Variants in PRKN observed in about 807,000 individuals in gnomAD.
PRKN encodes the protein parkin RBR E3 ubiquitin protein ligase.
A neutral mutation model predicts 59.5 loss-of-function variants in PRKN; 56 were observed. The ratio of observed to expected loss-of-function variants is 0.94; its 90% CI spans 0.76 to 1.18. The LOEUF is 1.18. PRKN is among the 50% of genes most tolerant of loss of function. The pLI is 0.00. For synonymous variants in PRKN, 250 were observed against 222.1 expected (o/e 1.13, Z -1.12); for missense variants, 657 against 596.4 (o/e 1.10, Z -1.06).
intron 7 of PRKN, among the ~76,000 whole-genome samples, chr6:161,696,562 G>A (rs1200008289): frequency 6.6e-6 from 1 of 152,140 alleles, no homozygotes; most frequent in African/African-American, 2.4e-5. Flanking sequence ...TATATTTAGT[G>A]GTCAACTTGG....
intron 1 of PRKN, among the ~76,000 whole-genome samples, chr6:162,590,706 C>T (rs1020974873): frequency 2.6e-5 from 4 of 152,122 alleles, no homozygotes; most frequent in African/African-American, 9.7e-5. Context: ...ACTGACATAA[C>T]CTACAGACTC....
chr6:162,693,220 C>T (rs1777843968), intron 1 of PRKN, among the ~76,000 whole-genome samples: 1 of 152,104 alleles, frequency 6.6e-6, no homozygotes, highest in Non-Finnish European at 1.5e-5. Flanking sequence ...GATGTATGTG[C>T]CCAGCAGGGT....
At chr6:162,330,138 T>C (rs1250412781) in intron 2 of PRKN, among the ~76,000 whole-genome samples, 1 of 152,202 alleles carries the variant, frequency 6.6e-6, no homozygotes, top group Non-Finnish European at 1.5e-5. Flanking sequence ...AAAGAGCAAG[T>C]CAGGTCTTTT....
rs1411914212 is a variant in PRKN, at chr6:161,356,580, G to A, written c.1285+3508C>T. 6.6e-6 allele frequency among the ~76,000 whole-genome samples: 1 copy of A among 152,182 alleles called. No homozygotes were observed. Among genetic ancestry groups the A allele is most frequent in the Non-Finnish European group, 1.5e-5 (1 of 68,032 alleles). ...GCAGGGCACTGGCTGGGGACGTGGAGTCAGAGGTGGGCAGACGCTGGATCA... is the reference window on the plus strand; with the variant it reads ...GCAGGGCACTGGCTGGGGACGTGGAATCAGAGGTGGGCAGACGCTGGATCA... On this transcript the variant is annotated intron_variant, in intron 11 of 11. Transcript: ENST00000366898. The surrounding 1 kb of genome is among the most constrained non-coding windows in gnomAD (Gnocchi z 7.8).
chr6:161,759,894 A>G (rs959348209), intron 7 of PRKN, among the ~76,000 whole-genome samples: 2 of 152,142 alleles, frequency 1.3e-5, no homozygotes, highest in Admixed American at 1.3e-4. Context: ...GAGCTGACAT[A>G]CTGATAGCTC....
At chr6:161,856,122 G>C (rs192565058) in intron 6 of PRKN, among the ~76,000 whole-genome samples, 130 of 152,282 alleles carry the variant, frequency 8.5e-4, no homozygotes, top group South Asian at 3.1e-3. Flanking sequence ...CACTTTGGGA[G>C]GCCGAGGTGG....
intron 6 of PRKN, among the ~76,000 whole-genome samples, chr6:161,874,265 AAT>A (rs1415891667): frequency 0.13 from 708 of 5,522 alleles, 15 homozygotes; most frequent in Non-Finnish European, 0.27. Context: ...TTATATGTAA[AAT>A]ATATAATATA....
intron 7 of PRKN, among the ~76,000 whole-genome samples, chr6:161,743,623 C>T (rs1036975428): frequency 1.3e-5 from 2 of 151,962 alleles, no homozygotes; most frequent in Admixed American, 6.6e-5. Flanking sequence ...CCTTTGTCCT[C>T]CGCCCCCACT....
intron 6 of PRKN, among the ~76,000 whole-genome samples, chr6:161,972,952 T>C: frequency 6.6e-6 from 1 of 152,208 alleles, no homozygotes; most frequent in East Asian, 1.9e-4. Flanking sequence ...TTAATTTTAT[T>C]TTGGAACTTA....
At chr6:161,565,513 A>G (rs1428388099) in intron 8 of PRKN, among the ~76,000 whole-genome samples, 3 of 152,062 alleles carry the variant, frequency 2.0e-5, no homozygotes, top group Non-Finnish European at 4.4e-5. Context: ...GTGATGGTGA[A>G]TGAGTCCTCA....
chr6:162,486,602 C>T (rs759953101), intron 1 of PRKN, among the ~76,000 whole-genome samples: 7 of 152,192 alleles, frequency 4.6e-5, no homozygotes, highest in Admixed American at 3.9e-4. Flanking sequence ...ACTTGCATTT[C>T]TGATAGGTAT....
Position 162,034,182 on chromosome 6 carries a change from T to TAGAGAGAG in PRKN, c.618+19908_618+19909insCTCTCTCT, listed in dbSNP as rs1324757025. ...GTGTACACATACATATATATATATA[T>TAGAGAGAG]ATATAGAGAGAGAGAGAGAGAGAGA... On this transcript the variant is annotated intron_variant, in intron 5 of 11. Coordinates refer to ENST00000366898, the MANE Select transcript of PRKN (RefSeq NM_004562.3). 4.9e-3 allele frequency among the ~76,000 whole-genome samples: 590 copies of TAGAGAGAG among 121,468 alleles called. 2 individuals carry two copies. The highest frequency in any genetic ancestry group is 0.019 in the African/African-American group (531 of 28,388). 79.7% of individuals were successfully genotyped at this position (121,468 alleles called of 152,430 possible).
rs906762478 is a variant in PRKN at position 161,682,097 on chromosome 6, C to G, written c.871+103675G>C. On this transcript the variant is annotated intron_variant, in intron 7 of 11. Transcript: ENST00000366898. ...AGGAAGAAAGGACCAGCGCTCTGCA[C>G]GCACTGGGCTCAGCTCCCTGGAAGC... Among the ~76,000 whole-genome samples the G allele has an allele frequency of 2.0e-5, 3 of 152,204 alleles. No individual in the cohort carries two copies. The East Asian group carries it at 5.8e-4, about 30-fold the overall frequency.
At position 161,354,947 on chromosome 6, in the gene PRKN, G is replaced by A. The variant is rs1014408342; in HGVS notation, c.1286-4736C>T. 6.6e-6 allele frequency among the ~76,000 whole-genome samples: 1 copy of A among 152,166 alleles called. No individual in the cohort carries two copies. The highest frequency in any genetic ancestry group is 2.4e-5 in the African/African-American group (1 of 41,448). ...ATTTGACTCCTACAACTCCATCTTT[G>A]GAGGCTGCCAGCATGTTCTGAGTCC... On this transcript the variant is annotated intron_variant, in intron 11 of 11. Coordinates refer to ENST00000366898, the MANE Select transcript of PRKN (RefSeq NM_004562.3). This position sits in a 1 kb window ranked among gnomAD's most constrained non-coding sequence, Gnocchi z 6.7.
chr6:161,666,850 C>T (rs549216590), intron 7 of PRKN, among the ~76,000 whole-genome samples: 75 of 152,254 alleles, frequency 4.9e-4, no homozygotes, highest in African/African-American at 1.7e-3. Flanking sequence ...GGGAGTTTTG[C>T]TGGCAGACAC....
intron 7 of PRKN, among the ~76,000 whole-genome samples, chr6:161,723,604 A>C (rs1005011512): frequency 5.3e-5 from 8 of 152,172 alleles, no homozygotes; most frequent in Admixed American, 3.3e-4. Context: ...GAAAGAAAGA[A>C]AGACAGACAC....
intron 1 of PRKN, among the ~76,000 whole-genome samples, chr6:162,556,436 C>T (rs917338702): frequency 4.2e-5 from 6 of 143,196 alleles, no homozygotes; most frequent in Admixed American, 3.6e-4. Context: ...TTTTTTTCCC[C>T]TCTAGTGCAT....
intron 5 of PRKN, among the ~76,000 whole-genome samples, chr6:161,999,048 T>G (rs1299596911): frequency 6.6e-6 from 1 of 152,102 alleles, no homozygotes; most frequent in Non-Finnish European, 1.5e-5. Flanking sequence ...ATAAGTAGAT[T>G]CTCAGTAGAT....
At chr6:161,975,146 C>T (rs1006355136) in intron 5 of PRKN, among the ~76,000 whole-genome samples, 20 of 137,292 alleles carry the variant, frequency 1.5e-4, no homozygotes, top group African/African-American at 3.9e-4. Context: ...AGTGCAGTGG[C>T]GCGATCTCAG....
Sources: allele counts gnomAD v4.1 joint callset (sites outside exome capture counted in the v4.1 genomes callset), GRCh38; gene constraint gnomAD v4.1.1; non-coding constraint Gnocchi (gnomAD v3.1); transcripts MANE v1.5; gene names NCBI Gene and HGNC (gene_info 2026-07-23, HGNC 2026-07-21).